TMC1: variants seen among roughly 807,000 people sequenced by gnomAD.
The protein encoded by TMC1 is transmembrane channel like 1.
TMC1 carries 84 observed loss-of-function variants against 105.8 expected under a neutral mutation model. The observed-to-expected ratio is 0.79, with a 90% CI of 0.67 to 0.95. The LOEUF (loss-of-function observed/expected upper bound fraction) is 0.95, where lower values mean the gene tolerates loss of function less well. TMC1 is among the 40% of genes least tolerant of loss of function. The pLI is 0.00. For missense variants in TMC1, 817 were observed against 914.1 expected, an observed-to-expected ratio of 0.89 and a Z score of 1.37; for synonymous variants, 315 against 311.5, an observed-to-expected ratio of 1.01 and a Z score of -0.12.
chr9:72,611,227 AT>A (rs1017942629), intron 2 of TMC1, among the ~76,000 whole-genome samples: 96 of 152,300 alleles, frequency 6.3e-4, no homozygotes, highest in African/African-American at 2.2e-3. Flanking sequence ...CTTTGGAGAA[AT>A]TTCTTTCCTT....
In TMC1 at chr9:72,664,411, A is replaced by G. The variant is rs180883312; in HGVS notation, c.16+15747A>G. ...GCAAAAGCCTTACTCCCAAGCCTGG[A>G]AACCTGCAGTCCTAAATGGGAATAG... On this transcript the variant is annotated intron_variant, in intron 5 of 23. Coordinates refer to ENST00000297784, the MANE Select transcript of TMC1 (RefSeq NM_138691.3). 2.2e-3 allele frequency among the ~76,000 whole-genome samples: 341 copies of G among 152,300 alleles called. 2 individuals carry two copies. The highest frequency in any genetic ancestry group is 7.5e-3 in the African/African-American group (313 of 41,574).
chr9:72,605,410 C>A (rs1220130856), intron 2 of TMC1, among the ~76,000 whole-genome samples: 1 of 152,070 alleles, frequency 6.6e-6, no homozygotes, highest in Non-Finnish European at 1.5e-5. Context: ...CAGAAACATG[C>A]ATTCTGGAGG....
At chr9:72,814,912 G>GTA in intron 18 of TMC1, among the ~76,000 whole-genome samples, 1 of 146,866 alleles carries the variant, frequency 6.8e-6, no homozygotes, top group Non-Finnish European at 1.5e-5. Flanking sequence ...GTGTGTGTGT[G>GTA]TGTGTGTGTG....
At chr9:72,818,928 C>T (rs1168008140) in intron 19 of TMC1, among the ~76,000 whole-genome samples, 1 of 152,018 alleles carries the variant, frequency 6.6e-6, no homozygotes, top group Non-Finnish European at 1.5e-5. Flanking sequence ...TAGATGTATA[C>T]ACAAATAATA....
At chr9:72,713,053 T>G (rs1231707910) in intron 8 of TMC1, among the ~76,000 whole-genome samples, 1 of 152,192 alleles carries the variant, frequency 6.6e-6, no homozygotes, top group Non-Finnish European at 1.5e-5. Flanking sequence ...TGTGATTGGT[T>G]CTGTTTATGT....
chr9:72,792,622 A>G (rs1056953419), intron 17 of TMC1, among the ~76,000 whole-genome samples: 3 of 152,206 alleles, frequency 2.0e-5, no homozygotes, highest in African/African-American at 7.2e-5. Context: ...GATGTTTACT[A>G]TCTGTATTAT....
chr9:72,579,692 A>G (rs1297416689), intron 2 of TMC1, among the ~76,000 whole-genome samples: 1 of 152,190 alleles, frequency 6.6e-6, no homozygotes, highest in Non-Finnish European at 1.5e-5. Flanking sequence ...AATCTTCACA[A>G]CAGTCTTATG....
chr9:72,816,230 G>A lies in TMC1; in HGVS notation c.1763+20G>A, dbSNP rs200683781. On this transcript the variant is annotated intron_variant, in intron 19 of 23. Transcript: ENST00000297784. ...GATCTGGTAGGCCAGCTGTTGGACA[G>A]CTTATCACTTACAGAAAAGCCTCCC... 49 of 1,610,888 alleles carry A rather than the reference G, an allele frequency of 3.0e-5. 1 individual carries two copies. In the East Asian group the frequency reaches 1.1e-3, roughly 36 times the overall value.
At chr9:72,607,002 T>TAGAGAGAGAGAG (rs57741839) in intron 2 of TMC1, among the ~76,000 whole-genome samples, 246 of 134,956 alleles carry the variant, frequency 1.8e-3, no homozygotes, top group African/African-American at 6.4e-3. Context: ...TATATATATA[T>TAGAGAGAGAGAG]AGAGAGAGAG....
intron 1 of TMC1, among the ~76,000 whole-genome samples, chr9:72,556,392 C>G (rs575243723): frequency 6.6e-6 from 1 of 151,942 alleles, no homozygotes; most frequent in African/African-American, 2.4e-5. Flanking sequence ...GCTGGGATTA[C>G]AGGCGTGAGT....
intron 1 of TMC1, among the ~76,000 whole-genome samples, chr9:72,522,999 T>C (rs74329806): frequency 6.6e-6 from 1 of 152,184 alleles, no homozygotes; most frequent in Non-Finnish European, 1.5e-5. Flanking sequence ...ATTAAAAATG[T>C]CTCCAGACTT....
chr9:72,649,020 G>T (rs1240854848), intron 5 of TMC1, among the ~76,000 whole-genome samples: 2 of 152,180 alleles, frequency 1.3e-5, no homozygotes, highest in African/African-American at 2.4e-5. Flanking sequence ...TCAGATTGGT[G>T]TGTGAGACAG....
chr9:72,760,704 A>G (rs1358040477), intron 12 of TMC1, among the ~76,000 whole-genome samples: 1 of 152,184 alleles, frequency 6.6e-6, no homozygotes. Flanking sequence ...CAGAAGCAGA[A>G]TAGATTTAAG....
intron 1 of TMC1, among the ~76,000 whole-genome samples, chr9:72,533,841 T>C (rs916428263): frequency 1.3e-5 from 2 of 152,152 alleles, no homozygotes; most frequent in Admixed American, 6.6e-5. Context: ...ATTTTAAAAA[T>C]ACAATTTCTG....
At chr9:72,632,708 G>C (rs771079858) in intron 4 of TMC1, among the ~76,000 whole-genome samples, 3 of 151,146 alleles carry the variant, frequency 2.0e-5, no homozygotes, top group Non-Finnish European at 2.9e-5. Context: ...CCAATAAAAA[G>C]AATTGAAAAC....
chr9:72,704,636 C>T (rs1467916893), intron 8 of TMC1, among the ~76,000 whole-genome samples: 1 of 152,154 alleles, frequency 6.6e-6, no homozygotes, highest in African/African-American at 2.4e-5. Context: ...TGGCTCTATA[C>T]AGCTGAAAGG....
At chr9:72,628,985 T>C (rs1474678933) in intron 4 of TMC1, among the ~76,000 whole-genome samples, 1 of 152,238 alleles carries the variant, frequency 6.6e-6, no homozygotes, top group South Asian at 2.1e-4. Context: ...ATATTTATCA[T>C]AATGGAAATA....
rs539233384 is a variant in TMC1, at chr9:72,820,421, G to A, written c.1764-421G>A. ...AAATGTACAGTTTTTTTGAGTAGAAGAAGTGACTTTAAGGGTTAATTATTT... is the reference window on the plus strand; with the variant it reads ...AAATGTACAGTTTTTTTGAGTAGAAAAAGTGACTTTAAGGGTTAATTATTT... On this transcript the variant is annotated intron_variant, in intron 19 of 23. Coordinates refer to ENST00000297784, the MANE Select transcript of TMC1 (RefSeq NM_138691.3). 5.3e-4 allele frequency among the ~76,000 whole-genome samples: 80 copies of A among 152,262 alleles called. No homozygotes were observed. In the South Asian group the frequency reaches 0.016, roughly 31 times the overall value.
chr9:72,805,982 C>T (rs576974448), intron 18 of TMC1, among the ~76,000 whole-genome samples: 2 of 152,242 alleles, frequency 1.3e-5, no homozygotes, highest in South Asian at 4.1e-4. Flanking sequence ...ATTTCTCAAT[C>T]TTTTCCCCAC....
Sources: gnomAD v4.1 joint callset for allele counts (sites outside exome capture counted in the v4.1 genomes callset) on GRCh38, gnomAD v4.1.1 for gene constraint, MANE v1.5 for transcripts, NCBI Gene and HGNC (gene_info 2026-07-23, HGNC 2026-07-21) for gene names.